The following PRSS12 variants were observed in gnomAD, a reference collection of about 807,000 sequenced individuals.
The protein encoded by PRSS12 is serine protease 12, also known as neurotrypsin.
PRSS12 carries 85 observed loss-of-function variants against 104.4 expected under a neutral mutation model. The observed-to-expected ratio is 0.81, with a 90% confidence interval of 0.68 to 0.98. PRSS12 has a LOEUF of 0.98. Ranked by LOEUF, PRSS12 falls within the 50% of genes least tolerant of loss-of-function variation. The probability of loss-of-function intolerance (pLI) is 0.00; values close to 1 mark genes in which losing one functional copy is unlikely to be tolerated. For synonymous variants in PRSS12, 454 were observed against 425.2 expected, an observed-to-expected ratio of 1.07 and a Z score of -0.83; for missense variants, 1,141 against 1,139.2, an observed-to-expected ratio of 1.00 and a Z score of -0.02.
chr4:118,345,270 T>C (rs1724329998), intron 1 of PRSS12, among the ~76,000 whole-genome samples: 1 of 152,200 alleles, frequency 6.6e-6, no homozygotes, highest in Admixed American at 6.5e-5. Flanking sequence ...GGGGTAAATA[T>C]CATTGCTTTA....
At chr4:118,334,934 C>A (rs1433960890) in intron 3 of PRSS12, among the ~76,000 whole-genome samples, 2 of 152,182 alleles carry the variant, frequency 1.3e-5, no homozygotes, top group Non-Finnish European at 2.9e-5. Context: ...TATCTGTACA[C>A]TGAACCCATA....
At chr4:118,295,199 C>T (rs1376594547) in intron 10 of PRSS12, 138 bp from the exon 11 acceptor site, 2 of 1,139,350 alleles carry the variant, frequency 1.8e-6, no homozygotes, top group Non-Finnish European at 2.5e-6. Context: ...CTCCAGGATA[C>T]ATCCCTTCCT....
chr4:118,344,802 CA>C (rs1278364146), intron 1 of PRSS12, among the ~76,000 whole-genome samples: 1 of 151,838 alleles, frequency 6.6e-6, no homozygotes, highest in Non-Finnish European at 1.5e-5. Context: ...TGATATCAAA[CA>C]AAAAAAGATG....
Position 118,352,300 on chromosome 4 carries a change from G to C in PRSS12, c.421C>G (p.Pro141Ala). 6.2e-7 allele frequency: 1 copy of C among 1,602,872 alleles called. No individual in the cohort carries two copies. The highest frequency in any genetic ancestry group is 8.5e-7 in the Non-Finnish European group (1 of 1,176,864). ...CACCAGGGTCTGCCCGCGCCGTCGG[G>C]GCTCCGACAAAAGTTGTGGCGCTGT... ...RGQRHNFCRS[P>A]DGAGRPWCFY... The change falls in exon 1 of 13, where the codon CCC becomes GCC. Residue 141 changes from proline (P) to alanine (A), a missense_variant. Coordinates refer to ENST00000296498, the MANE Select transcript of PRSS12 (RefSeq NM_003619.4).
At chr4:118,324,816 G>A (rs777349034) in intron 4 of PRSS12, among the ~76,000 whole-genome samples, 13 of 152,038 alleles carry the variant, frequency 8.6e-5, no homozygotes, top group Non-Finnish European at 1.8e-4. Context: ...GGGTTCAAGC[G>A]ATTCTCCTGC....
At chr4:118,334,819 G>A (rs1393887124) in intron 3 of PRSS12, among the ~76,000 whole-genome samples, 4 of 152,144 alleles carry the variant, frequency 2.6e-5, no homozygotes, top group Non-Finnish European at 5.9e-5. Context: ...AGAGTATGGT[G>A]GCTTCAGGTT....
At chr4:118,288,921 C>T (rs970865002) in intron 11 of PRSS12, among the ~76,000 whole-genome samples, 2 of 152,128 alleles carry the variant, frequency 1.3e-5, no homozygotes, top group Non-Finnish European at 2.9e-5. Context: ...ATGAGATAGC[C>T]TTTAAATAGT....
chr4:118,329,988 G>A (rs1413256838), intron 4 of PRSS12, among the ~76,000 whole-genome samples: 1 of 152,144 alleles, frequency 6.6e-6, no homozygotes, highest in African/African-American at 2.4e-5. Context: ...AAACGTACTT[G>A]TTAGTTTTTT....
intron 3 of PRSS12, among the ~76,000 whole-genome samples, chr4:118,333,103 A>G (rs188552813): frequency 6.6e-6 from 1 of 152,346 alleles, no homozygotes; most frequent in Non-Finnish European, 1.5e-5. Flanking sequence ...TTTGGAAGTC[A>G]GAGATGAGGG....
intron 1 of PRSS12, among the ~76,000 whole-genome samples, chr4:118,339,245 A>T (rs1050797673): frequency 6.6e-6 from 1 of 152,168 alleles, no homozygotes; most frequent in Admixed American, 6.6e-5. Flanking sequence ...CAACTTAAGA[A>T]TTGCATAAAA....
chr4:118,318,759 T>C (rs1723523467), intron 4 of PRSS12, among the ~76,000 whole-genome samples: 3 of 152,220 alleles, frequency 2.0e-5, no homozygotes, highest in Admixed American at 2.0e-4. Context: ...GTTTCAAAGT[T>C]AGGTACTGCC....
At chr4:118,348,299 A>G (rs921160832) in intron 1 of PRSS12, among the ~76,000 whole-genome samples, 1 of 152,216 alleles carries the variant, frequency 6.6e-6, no homozygotes, top group African/African-American at 2.4e-5. Context: ...TTCTAAAATT[A>G]CACAAAAAGT....
intron 5 of PRSS12, among the ~76,000 whole-genome samples, chr4:118,316,837 A>ATATAT (rs768370790): frequency 1.1e-4 from 11 of 99,192 alleles, no homozygotes; most frequent in Admixed American, 7.1e-4. Context: ...AAAAAAAAAA[A>ATATAT]ATATATATAT....
At chr4:118,310,431 A>G (rs1383993842) in intron 7 of PRSS12, among the ~76,000 whole-genome samples, 3 of 152,228 alleles carry the variant, frequency 2.0e-5, no homozygotes, top group Non-Finnish European at 4.4e-5. Context: ...ACCTAATTTT[A>G]GCCATTCATT....
In PRSS12 at chr4:118,331,701, G is replaced by T. The variant is rs1348283951; in HGVS notation, c.971+15C>A. ...ATTCAAAAGTTTAAGCAAAACAAGA[G>T]TAGTAAAAACAAACCTGAGGCCCAG... On this transcript the variant is annotated intron_variant, in intron 4 of 12. Coordinates refer to ENST00000296498, the MANE Select transcript of PRSS12 (RefSeq NM_003619.4). The T allele has an allele frequency of 6.2e-7, 1 of 1,614,034 alleles. No individual in the cohort carries two copies. Among genetic ancestry groups the T allele is most frequent in the Admixed American group, 1.7e-5 (1 of 60,014 alleles).
intron 11 of PRSS12, among the ~76,000 whole-genome samples, chr4:118,292,381 G>C (rs1743146808): frequency 6.6e-6 from 1 of 152,116 alleles, no homozygotes; most frequent in Non-Finnish European, 1.5e-5. Flanking sequence ...TTAGAGCAGG[G>C]GCTCAGGAAC....
In PRSS12 at chr4:118,281,860, T is replaced by C. The variant is rs1256102670; in HGVS notation, c.*76A>G. 1 of 806,556 alleles carries C rather than the reference T, an allele frequency of 1.2e-6. No individual in the cohort carries two copies. The highest frequency in any genetic ancestry group is 1.7e-5 in the Admixed American group (1 of 58,972). The allele number at this position is 806,556 out of a possible 1,614,324, so 50.0% of individuals were successfully genotyped here. ...AAACAGATCTTGCCATTTGTTGTCATCTCTGCTGAGTGCTAATAGTGGGGG... is the reference window on the plus strand; with the variant it reads ...AAACAGATCTTGCCATTTGTTGTCACCTCTGCTGAGTGCTAATAGTGGGGG... On this transcript the variant is annotated 3_prime_UTR_variant, in exon 13 of 13. Transcript: ENST00000296498.
intron 1 of PRSS12, among the ~76,000 whole-genome samples, chr4:118,349,056 G>A (rs892651588): frequency 6.6e-6 from 1 of 151,854 alleles, no homozygotes; most frequent in African/African-American, 2.4e-5. Context: ...TCCACGCCCA[G>A]CCCTGGCTCA....
intron 4 of PRSS12, among the ~76,000 whole-genome samples, chr4:118,328,234 G>A (rs770145991): frequency 6.6e-6 from 1 of 152,166 alleles, no homozygotes; most frequent in African/African-American, 2.4e-5. Flanking sequence ...AAAAGTAAAC[G>A]AAGAATGTCA....
Sources: gnomAD v4.1 joint callset for allele counts (sites outside exome capture counted in the v4.1 genomes callset) on GRCh38, gnomAD v4.1.1 for gene constraint, MANE v1.5 for transcripts, NCBI Gene and HGNC (gene_info 2026-07-23, HGNC 2026-07-21) for gene names.